The following SLCO3A1 variants were observed in gnomAD, a reference collection of about 807,000 sequenced individuals.
The protein encoded by SLCO3A1 is PGE1 transporter.
SLCO3A1 carries 27 observed loss-of-function variants against 63.1 expected under a neutral mutation model. The observed-to-expected ratio is 0.43, with a 90% CI of 0.32 to 0.59. SLCO3A1 has a LOEUF of 0.59. Among genes scored for constraint, SLCO3A1 ranks in the 20% least tolerant of loss-of-function variants. SLCO3A1 has a pLI of 0.09. For synonymous variants in SLCO3A1, 473 were observed against 409.9 expected, an observed-to-expected ratio of 1.15 and a Z score of -1.86; for missense variants, 773 against 945.8, an observed-to-expected ratio of 0.82 and a Z score of 2.40.
chr15:91,895,093 A>C (rs1446465451), intron 1 of SLCO3A1, among the ~76,000 whole-genome samples: 1 of 152,146 alleles, frequency 6.6e-6, no homozygotes, highest in Non-Finnish European at 1.5e-5. Flanking sequence ...ACATCTCTTC[A>C]AGTCCAATCT....
At chr15:91,966,265 G>T (rs898933627) in intron 2 of SLCO3A1, among the ~76,000 whole-genome samples, 3 of 152,156 alleles carry the variant, frequency 2.0e-5, no homozygotes, top group Admixed American at 1.3e-4. Flanking sequence ...GATTTGGGAC[G>T]CAGAGAAAAG....
chr15:92,068,727 A>T (rs2047180484), intron 2 of SLCO3A1, among the ~76,000 whole-genome samples: 2 of 152,228 alleles, frequency 1.3e-5, no homozygotes, highest in African/African-American at 4.8e-5. Context: ...GAATGGTGTT[A>T]ACAGCCTCAT....
At chr15:92,038,029 A>G (rs150175852) in intron 2 of SLCO3A1, among the ~76,000 whole-genome samples, 4 of 152,334 alleles carry the variant, frequency 2.6e-5, no homozygotes, top group Admixed American at 1.3e-4. Flanking sequence ...TACTAAAATG[A>G]TTTGAAGGTG....
chr15:92,033,219 T>C lies in SLCO3A1; in HGVS notation c.647-61662T>C, dbSNP rs1296945565. Among the ~76,000 whole-genome samples, 1 of 152,192 alleles carries C rather than the reference T, an allele frequency of 6.6e-6. No individual in the cohort carries two copies. Among genetic ancestry groups the C allele is most frequent in the Non-Finnish European group, 1.5e-5 (1 of 68,032 alleles). On this transcript the variant is annotated intron_variant, in intron 2 of 9. Coordinates refer to ENST00000318445, the MANE Select transcript of SLCO3A1 (RefSeq NM_013272.4). The surrounding 1 kb of genome is among the most constrained non-coding windows in gnomAD (Gnocchi z 4.5). The stretch of plus-strand genomic sequence containing the variant: ...AACTGAGGCCATGCCTACGTAAATG[T>C]ATTGATTAGAAAAGAGTCAAGTTGA...
chr15:92,113,313 C>T lies in SLCO3A1; in HGVS notation c.1010-7152C>T, dbSNP rs534122755. ...TGCTTTAAACTGGCTAATGGGCAGC[C>T]ACATGACTTTTTCTCTTGGGCCTTC... On this transcript the variant is annotated intron_variant, in intron 4 of 9. Coordinates refer to ENST00000318445, the MANE Select transcript of SLCO3A1 (RefSeq NM_013272.4). 3.9e-5 allele frequency among the ~76,000 whole-genome samples: 6 copies of T among 152,186 alleles called. No homozygotes were observed. The South Asian group carries it at 6.2e-4, about 16-fold the overall frequency.
chr15:92,099,178 G>A (rs889074085), intron 3 of SLCO3A1, among the ~76,000 whole-genome samples: 1 of 152,232 alleles, frequency 6.6e-6, no homozygotes. Context: ...GGAACAAGAT[G>A]TGGCCATCTG....
Position 91,865,685 on chromosome 15 carries a change from C to T in SLCO3A1, c.180+11597C>T, listed in dbSNP as rs567982951. ...TTGCTGTCACATGGTGTTTCCCCCG[C>T]GTCTCTCTCTCTTCTTCTTCTAAGG... On this transcript the variant is annotated intron_variant, in intron 1 of 9. Transcript: ENST00000318445. The surrounding 1 kb of genome is among the most constrained non-coding windows in gnomAD (Gnocchi z 4.6). Among the ~76,000 whole-genome samples the T allele has an allele frequency of 2.0e-4, 30 of 152,296 alleles. No homozygotes were observed. Among genetic ancestry groups the T allele is most frequent in the African/African-American group, 6.3e-4 (26 of 41,554 alleles).
At position 92,126,256 on chromosome 15, in the gene SLCO3A1, A is replaced by C; in HGVS notation, c.1370A>C (p.Asn457Thr). ...GCTGGGGTTACTGTTCCCTATGGAA[A>C]CAGGTGAGTACTGGCAGTGTCTGCC... ...PVAGVTVPYG[N>T]STAPGSALDP... Residue 457 changes from asparagine (N) to threonine (T), a missense_variant, in exon 6 of 10, where the codon AAC (asparagine) becomes ACC (threonine). Physicochemically the swap from Asn to Thr is moderately conservative, Grantham distance 65. Transcript: ENST00000318445. 3.7e-6 allele frequency: 6 copies of C among 1,613,752 alleles called. No individual in the cohort carries two copies. The highest frequency in any genetic ancestry group is 4.2e-6 in the Non-Finnish European group (5 of 1,179,740).
rs1896863246 is a variant in SLCO3A1 at position 91,854,536 on chromosome 15, C to G, written c.180+448C>G. 1 of 210,448 alleles carries G rather than the reference C, an allele frequency of 4.8e-6. No homozygotes were observed. The highest frequency in any genetic ancestry group is 8.4e-6 in the Non-Finnish European group (1 of 119,732). The allele number at this position is 210,448 out of a possible 1,614,324, so 13.0% of individuals were successfully genotyped here. A position where few individuals can be genotyped will look rare whatever the true frequency, so the allele number is the denominator to read the frequency against. On this transcript the variant is annotated intron_variant, in intron 1 of 9. Coordinates refer to ENST00000318445, the MANE Select transcript of SLCO3A1 (RefSeq NM_013272.4). This position sits in a 1 kb window ranked among gnomAD's most constrained non-coding sequence, Gnocchi z 6.4. ...CTCTCCATTGCATCCTCCTCGAGAA[C>G]AAATCTATTATGCATCATTTTCTCC...
intron 2 of SLCO3A1, among the ~76,000 whole-genome samples, chr15:91,952,093 A>G (rs1900019690): frequency 6.6e-6 from 1 of 152,116 alleles, no homozygotes; most frequent in South Asian, 2.1e-4. Context: ...AGTGGTTTTG[A>G]TTTGCATTTT....
intron 2 of SLCO3A1, among the ~76,000 whole-genome samples, chr15:92,061,761 C>T (rs2047088618): frequency 6.6e-6 from 1 of 152,210 alleles, no homozygotes; most frequent in African/African-American, 2.4e-5. Flanking sequence ...GACCAGGAGC[C>T]TGCCGGGTTG....
chr15:91,854,152 G>A lies in SLCO3A1; in HGVS notation c.180+64G>A, dbSNP rs1006692097. ...CAGCCCGGCTCTCGAGCGGCCGCCT[G>A]GCCCGACGAGGGGGCCGCCCGGCGC... On this transcript the variant is annotated intron_variant, in intron 1 of 9. Coordinates refer to ENST00000318445, the MANE Select transcript of SLCO3A1 (RefSeq NM_013272.4). The surrounding 1 kb of genome is among the most constrained non-coding windows in gnomAD (Gnocchi z 6.4). The A allele has an allele frequency of 6.2e-6, 8 of 1,291,008 alleles. No individual in the cohort carries two copies. The East Asian group carries it at 1.3e-4, about 20-fold the overall frequency. 80.0% of individuals were successfully genotyped at this position (1,291,008 alleles called of 1,614,324 possible).
Position 91,872,076 on chromosome 15 carries a change from G to A in SLCO3A1, c.180+17988G>A, listed in dbSNP as rs761765946. ...CAAGGGATTGGTCACAAAAGATGTGGGGAGTCAAATCCTCTGTGGAAAGGG... is the reference window on the plus strand; with the variant it reads ...CAAGGGATTGGTCACAAAAGATGTGAGGAGTCAAATCCTCTGTGGAAAGGG... On this transcript the variant is annotated intron_variant, in intron 1 of 9. Transcript: ENST00000318445. The surrounding 1 kb of genome is among the most constrained non-coding windows in gnomAD (Gnocchi z 4.1). Among the ~76,000 whole-genome samples the A allele has an allele frequency of 1.3e-4, 20 of 152,218 alleles. No homozygotes were observed. The highest frequency in any genetic ancestry group is 3.4e-3 in the Middle Eastern group (1 of 294).
intron 2 of SLCO3A1, among the ~76,000 whole-genome samples, chr15:92,000,394 CT>C (rs548728965): frequency 8.0e-4 from 116 of 145,530 alleles, no homozygotes; most frequent in African/African-American, 2.1e-3. Flanking sequence ...TGTTTTTTTC[CT>C]TTTTTTTTAA....
chr15:91,871,764 G>GTTTTTTTTTTTTTTTTTTTTTT (rs1368889555), intron 1 of SLCO3A1, among the ~76,000 whole-genome samples: 1 of 35,328 alleles, frequency 2.8e-5, no homozygotes, highest in African/African-American at 1.4e-4. Flanking sequence ...GTTTTTTTTT[G>GTTTTTTTTTTTTTTTTTTTTTT]GTTTTTTTTT....
chr15:91,956,434 T>G (rs1452864107), intron 2 of SLCO3A1, among the ~76,000 whole-genome samples: 1 of 152,128 alleles, frequency 6.6e-6, no homozygotes, highest in Non-Finnish European at 1.5e-5. Flanking sequence ...TGCAGGCATA[T>G]TTATTTGTGA....
At chr15:92,106,760 C>A (rs2047672201) in intron 4 of SLCO3A1, among the ~76,000 whole-genome samples, 1 of 152,170 alleles carries the variant, frequency 6.6e-6, no homozygotes, top group South Asian at 2.1e-4. Flanking sequence ...ACCGCAATAA[C>A]AAGCAGCACA....
In SLCO3A1 at chr15:91,880,482, G is replaced by T. The variant is rs139179538; in HGVS notation, c.180+26394G>T. 6.4e-3 allele frequency among the ~76,000 whole-genome samples: 965 copies of T among 150,806 alleles called. 9 individuals are homozygous for T. Among genetic ancestry groups the T allele is most frequent in the African/African-American group, 0.023 (926 of 40,894 alleles). ...TTAATGTGACCACCACCACAATCAGGATATAGAATCTGCTGTACATTTATT... is the reference window on the plus strand; with the variant it reads ...TTAATGTGACCACCACCACAATCAGTATATAGAATCTGCTGTACATTTATT... On this transcript the variant is annotated intron_variant, in intron 1 of 9. Transcript: ENST00000318445.
intron 2 of SLCO3A1, among the ~76,000 whole-genome samples, chr15:91,960,543 G>A (rs772148930): frequency 6.6e-6 from 1 of 152,206 alleles, no homozygotes; most frequent in South Asian, 2.1e-4. Flanking sequence ...AGATCGTCCT[G>A]TAGCTCCTAA....
Sources: gnomAD v4.1 joint callset for allele counts (sites outside exome capture counted in the v4.1 genomes callset) on GRCh38, gnomAD v4.1.1 for gene constraint, Gnocchi (gnomAD v3.1) non-coding constraint, MANE v1.5 for transcripts, NCBI Gene and HGNC (gene_info 2026-07-23, HGNC 2026-07-21) for gene names.